The following MBD5 variants were observed in gnomAD, a reference collection of about 807,000 sequenced individuals.
MBD5 encodes the protein methyl-CpG-binding domain protein 5.
MBD5 carries 13 observed loss-of-function variants against 117.3 expected under a neutral mutation model. The observed-to-expected ratio is 0.11, with a 90% CI of 0.07 to 0.18. The LOEUF (loss-of-function observed/expected upper bound fraction) is 0.18, where lower values mean the gene tolerates loss of function less well. MBD5 is among the 10% of genes least tolerant of loss of function. The probability of loss-of-function intolerance (pLI) is 1.00; values close to 1 mark genes in which losing one functional copy is unlikely to be tolerated. For missense variants in MBD5, 1,879 were observed against 2,093.8 expected (o/e 0.90, Z 2.00); for synonymous variants, 727 against 766.4 (o/e 0.95, Z 0.85).
intron 1 of MBD5, among the ~76,000 whole-genome samples, chr2:148,111,474 G>T (rs1696502194): frequency 6.6e-6 from 1 of 151,784 alleles, no homozygotes; most frequent in Non-Finnish European, 1.5e-5. Flanking sequence ...GAGAATGAGA[G>T]TGAATTATCC....
intron 4 of MBD5, among the ~76,000 whole-genome samples, chr2:148,429,444 C>T (rs1213014108): frequency 6.6e-6 from 1 of 151,982 alleles, no homozygotes; most frequent in African/African-American, 2.4e-5. Context: ...GTGGCAATTC[C>T]TCAAGGATCC....
At chr2:148,385,188 G>C (rs567614287) in intron 4 of MBD5, among the ~76,000 whole-genome samples, 1 of 152,160 alleles carries the variant, frequency 6.6e-6, no homozygotes, top group African/African-American at 2.4e-5. Flanking sequence ...CCTACAGAAT[G>C]GGAGAAAATT....
rs138823833 is a variant in MBD5, at chr2:148,183,214, A to G, written c.-831+4421A>G. Among the ~76,000 whole-genome samples the G allele has an allele frequency of 2.1e-3, 314 of 152,176 alleles. 1 individual carries two copies. Among genetic ancestry groups the G allele is most frequent in the African/African-American group, 6.1e-3 (255 of 41,534 alleles). On this transcript the variant is annotated intron_variant, in intron 2 of 13. Transcript: ENST00000642680. ...ATGTCCTCTACATTTGATATATACT[A>G]TATATCAATTTGATATATAGTATGT...
intron 2 of MBD5, among the ~76,000 whole-genome samples, chr2:148,213,972 A>G (rs1017224317): frequency 1.4e-4 from 21 of 152,234 alleles, no homozygotes; most frequent in Non-Finnish European, 2.6e-4. Context: ...CAAGTGATCA[A>G]CTGACTGAGT....
chr2:148,076,184 TTG>T (rs1293498366), intron 1 of MBD5, among the ~76,000 whole-genome samples: 94 of 31,074 alleles, frequency 3.0e-3, no homozygotes, highest in Non-Finnish European at 4.2e-3. Flanking sequence ...TCGTTTTTTG[TTG>T]TTGTTGTTGT....
In MBD5 at chr2:148,410,357, G is replaced by C. The variant is rs190358385; in HGVS notation, c.-556-47846G>C. ...TTTTCTCTTCTCAGTCTGTCCATATGTACTGTCCGTTTTACTTTGGGGCTC... is the reference window on the plus strand; with the variant it reads ...TTTTCTCTTCTCAGTCTGTCCATATCTACTGTCCGTTTTACTTTGGGGCTC... On this transcript the variant is annotated intron_variant, in intron 4 of 13. Coordinates refer to ENST00000642680, the MANE Select transcript of MBD5 (RefSeq NM_001378120.1). Among the ~76,000 whole-genome samples the C allele has an allele frequency of 9.6e-4, 146 of 152,208 alleles. 1 individual carries two copies. Among genetic ancestry groups the C allele is most frequent in the African/African-American group, 3.3e-3 (135 of 41,538 alleles).
chr2:148,366,448 T>C (rs1703700966), intron 4 of MBD5, among the ~76,000 whole-genome samples: 1 of 152,142 alleles, frequency 6.6e-6, no homozygotes, highest in South Asian at 2.1e-4. Flanking sequence ...ACCATTCCTA[T>C]TCAACATAGT....
rs1008391858 is a variant in MBD5, at chr2:148,157,326, C to T, written c.-924-21374C>T. On this transcript the variant is annotated intron_variant, in intron 1 of 13. Coordinates refer to ENST00000642680, the MANE Select transcript of MBD5 (RefSeq NM_001378120.1). ...AAACAGGCCCCAGTGTGTGATGTTT[C>T]CCTCCCTGTGTCCATGTGTTTTACT... 2.8e-5 allele frequency among the ~76,000 whole-genome samples: 4 copies of T among 142,398 alleles called. No homozygotes were observed. In the East Asian group the frequency reaches 8.4e-4, roughly 30 times the overall value. The allele number at this position is 142,398 out of a possible 152,430, so 93.4% of individuals were successfully genotyped here.
intron 2 of MBD5, among the ~76,000 whole-genome samples, chr2:148,229,690 G>A (rs1459398648): frequency 1.3e-5 from 2 of 152,134 alleles, no homozygotes; most frequent in Admixed American, 1.3e-4. Context: ...TCTAAGTGTT[G>A]TGATCTAAGC....
chr2:148,441,480 C>G (rs1392708969), intron 4 of MBD5, among the ~76,000 whole-genome samples: 1 of 151,996 alleles, frequency 6.6e-6, no homozygotes, highest in East Asian at 1.9e-4. Flanking sequence ...GTATATGTGC[C>G]ACATTTTCTT....
At chr2:148,087,305 C>T (rs1216443136) in intron 1 of MBD5, among the ~76,000 whole-genome samples, 1 of 152,180 alleles carries the variant, frequency 6.6e-6, no homozygotes. Flanking sequence ...CCAACAACCC[C>T]GCTCCAAGGA....
intron 4 of MBD5, among the ~76,000 whole-genome samples, chr2:148,445,182 AAC>A (rs1706449974): frequency 1.3e-5 from 2 of 151,100 alleles, no homozygotes; most frequent in African/African-American, 2.5e-5. Flanking sequence ...ACATGTGCAC[AAC>A]GTGCAGGTTT....
At chr2:148,394,674 G>C (rs1430995860) in intron 4 of MBD5, among the ~76,000 whole-genome samples, 2 of 145,914 alleles carry the variant, frequency 1.4e-5, no homozygotes, top group Admixed American at 6.8e-5. Context: ...CTTTTGATTT[G>C]CTATTTTTTC....
intron 4 of MBD5, among the ~76,000 whole-genome samples, chr2:148,358,743 G>A (rs377738263): frequency 9.2e-5 from 14 of 151,906 alleles, no homozygotes; most frequent in African/African-American, 1.7e-4. Flanking sequence ...TGCAGTGAGC[G>A]GCATGCCACT....
chr2:148,152,330 T>C (rs1038195005), intron 1 of MBD5, among the ~76,000 whole-genome samples: 1 of 152,220 alleles, frequency 6.6e-6, no homozygotes, highest in African/African-American at 2.4e-5. Flanking sequence ...TCTGTTCTTT[T>C]ACATTTGCTG....
chr2:148,297,477 A>G (rs1040409552), intron 3 of MBD5, among the ~76,000 whole-genome samples: 5 of 152,176 alleles, frequency 3.3e-5, no homozygotes, highest in African/African-American at 4.8e-5. Flanking sequence ...GTTTGCTTCT[A>G]TTGGTATCAT....
intron 3 of MBD5, among the ~76,000 whole-genome samples, chr2:148,293,699 T>A (rs1194002183): frequency 6.6e-6 from 1 of 152,178 alleles, no homozygotes; most frequent in East Asian, 1.9e-4. Context: ...TTTTTGTTCC[T>A]GATCTGGGGG....
intron 11 of MBD5, among the ~76,000 whole-genome samples, chr2:148,492,955 G>A (rs1681575767): frequency 6.6e-6 from 1 of 152,078 alleles, no homozygotes; most frequent in Non-Finnish European, 1.5e-5. Context: ...TTTTATTTAT[G>A]TAGAACTCCT....
chr2:148,323,732 G>C (rs1316773786), intron 3 of MBD5, among the ~76,000 whole-genome samples: 10 of 152,166 alleles, frequency 6.6e-5, no homozygotes, highest in East Asian at 3.9e-4. Flanking sequence ...ATTGTAGATT[G>C]TGGATATTAG....
Sources: allele counts gnomAD v4.1 joint callset (sites outside exome capture counted in the v4.1 genomes callset), GRCh38; gene constraint gnomAD v4.1.1; transcripts MANE v1.5; gene names NCBI Gene and HGNC (gene_info 2026-07-23, HGNC 2026-07-21).